Variants in DMRT1 observed in about 807,000 individuals in gnomAD.
DMRT1 encodes doublesex- and mab-3-related transcription factor 1.
DMRT1 carries 7 observed loss-of-function variants against 32.3 expected under a neutral mutation model. That is an observed-to-expected ratio of 0.22 (90% confidence interval 0.12 to 0.41). The LOEUF is 0.41. Ranked by LOEUF, DMRT1 falls within the 10% of genes least tolerant of loss-of-function variation. The pLI, the probability that DMRT1 is intolerant of heterozygous loss-of-function variation, is 1.00. For missense variants in DMRT1, 625 were observed against 500.5 expected, an observed-to-expected ratio of 1.25 and a Z score of -2.37; for synonymous variants, 278 against 206.1, an observed-to-expected ratio of 1.35 and a Z score of -2.99.
At chr9:932,611 A>G (rs1484665426) in intron 4 of DMRT1, among the ~76,000 whole-genome samples, 1 of 152,100 alleles carries the variant, frequency 6.6e-6, no homozygotes, top group Non-Finnish European at 1.5e-5. Flanking sequence ...TCTGACACTA[A>G]CTTTCTGAAG....
chr9:855,493 A>T (rs1166026331), intron 2 of DMRT1, among the ~76,000 whole-genome samples: 1 of 152,236 alleles, frequency 6.6e-6, no homozygotes, highest in African/African-American at 2.4e-5. Flanking sequence ...TGAATAAATG[A>T]TGGTTAAATT....
intron 4 of DMRT1, among the ~76,000 whole-genome samples, chr9:925,234 A>G (rs1436196836): frequency 6.6e-6 from 1 of 152,170 alleles, no homozygotes; most frequent in Non-Finnish European, 1.5e-5. Flanking sequence ...TAAATGAGTA[A>G]GAAACCAACT....
chr9:892,142 G>T (rs1187905721), intron 2 of DMRT1, among the ~76,000 whole-genome samples: 1 of 152,172 alleles, frequency 6.6e-6, no homozygotes, highest in Non-Finnish European at 1.5e-5. Context: ...TTGTCTGTTG[G>T]TCTTTTCTAG....
chr9:859,961 G>A (rs932352073), intron 2 of DMRT1, among the ~76,000 whole-genome samples: 5 of 152,178 alleles, frequency 3.3e-5, no homozygotes, highest in African/African-American at 4.8e-5. Context: ...AAAAATTGCC[G>A]TTAACTACCC....
intron 2 of DMRT1, among the ~76,000 whole-genome samples, chr9:850,482 C>T (rs1839097918): frequency 6.6e-6 from 1 of 152,144 alleles, no homozygotes; most frequent in African/African-American, 2.4e-5. Flanking sequence ...GAATGGTAAA[C>T]ATGTATAGTG....
chr9:878,372 G>C (rs1183088348), intron 2 of DMRT1, among the ~76,000 whole-genome samples: 1 of 152,196 alleles, frequency 6.6e-6, no homozygotes, highest in Non-Finnish European at 1.5e-5. Flanking sequence ...GCCTCACTAA[G>C]TAGAGGTGGT....
At chr9:883,969 G>C (rs921094683) in intron 2 of DMRT1, among the ~76,000 whole-genome samples, 9 of 152,086 alleles carry the variant, frequency 5.9e-5, no homozygotes, top group African/African-American at 1.4e-4. Flanking sequence ...TGCAAGATAT[G>C]GGGTTACAAA....
chr9:962,617 G>A (rs1819811383), intron 4 of DMRT1, among the ~76,000 whole-genome samples: 1 of 152,074 alleles, frequency 6.6e-6, no homozygotes, highest in Admixed American at 6.6e-5. Flanking sequence ...AGGAGGGCCT[G>A]GGTGGGGTGG....
intron 4 of DMRT1, among the ~76,000 whole-genome samples, chr9:966,350 TA>T (rs546384538): frequency 0.03 from 4,565 of 151,544 alleles, 185 homozygotes; most frequent in African/African-American, 0.097. Flanking sequence ...CCCTTTAAAT[TA>T]AAAAAAAATA....
chr9:900,911 T>C (rs1817547957), intron 3 of DMRT1, among the ~76,000 whole-genome samples: 1 of 152,168 alleles, frequency 6.6e-6, no homozygotes, highest in African/African-American at 2.4e-5. Flanking sequence ...GAGGCTGGTC[T>C]TAAACTTTTG....
At chr9:882,144 A>G (rs1298395383) in intron 2 of DMRT1, among the ~76,000 whole-genome samples, 1 of 152,238 alleles carries the variant, frequency 6.6e-6, no homozygotes, top group Non-Finnish European at 1.5e-5. Context: ...GAATCAGGGC[A>G]GGGAGAGGCA....
chr9:859,329 A>G (rs914695223), intron 2 of DMRT1, among the ~76,000 whole-genome samples: 24 of 152,004 alleles, frequency 1.6e-4, no homozygotes, highest in Non-Finnish European at 1.3e-4. Flanking sequence ...GTATACTAAC[A>G]CCTTATGCAG....
At chr9:858,870 A>AAT (rs139337855) in intron 2 of DMRT1, among the ~76,000 whole-genome samples, 72 of 48,048 alleles carry the variant, frequency 1.5e-3, no homozygotes, top group East Asian at 2.1e-3. Flanking sequence ...AAAAAAAAAA[A>AAT]ATATATATAT....
intron 4 of DMRT1, among the ~76,000 whole-genome samples, chr9:934,928 G>C (rs1350331273): frequency 6.6e-6 from 1 of 152,106 alleles, no homozygotes; most frequent in African/African-American, 2.4e-5. Context: ...GATCTCTCTG[G>C]TGAATATTTT....
intron 2 of DMRT1, among the ~76,000 whole-genome samples, chr9:874,895 C>T (rs1037714138): frequency 6.6e-6 from 1 of 150,776 alleles, no homozygotes. Flanking sequence ...GCAAGCTCCA[C>T]CTCCCGGGTT....
At chr9:954,275 G>A (rs1336617356) in intron 4 of DMRT1, among the ~76,000 whole-genome samples, 2 of 152,254 alleles carry the variant, frequency 1.3e-5, no homozygotes, top group South Asian at 2.1e-4. Context: ...TTTTGGAAGC[G>A]TAACAGCCAC....
chr9:846,184 C>T (rs1838896232), intron 1 of DMRT1, among the ~76,000 whole-genome samples: 1 of 151,678 alleles, frequency 6.6e-6, no homozygotes, highest in South Asian at 2.1e-4. Flanking sequence ...GGTGGGCTAA[C>T]ATGCCTGGCT....
chr9:930,713 TA>T (rs1233770880), intron 4 of DMRT1, among the ~76,000 whole-genome samples: 2 of 152,108 alleles, frequency 1.3e-5, no homozygotes, highest in Non-Finnish European at 2.9e-5. Flanking sequence ...CGGCCAATTT[TA>T]AAAAATTTTT....
chr9:866,997 A>T (rs956630486), intron 2 of DMRT1, among the ~76,000 whole-genome samples: 3 of 152,176 alleles, frequency 2.0e-5, no homozygotes, highest in East Asian at 3.8e-4. Flanking sequence ...TTTTTCTAAA[A>T]GATGTAGATA....
Sources: allele counts gnomAD v4.1 joint callset (sites outside exome capture counted in the v4.1 genomes callset), GRCh38; gene constraint gnomAD v4.1.1; transcripts MANE v1.5; gene names NCBI Gene and HGNC (gene_info 2026-07-23, HGNC 2026-07-21).